The following KCNH5 variants were observed in gnomAD, a reference collection of about 807,000 sequenced individuals.
KCNH5 encodes the protein potassium voltage-gated channel subfamily H member 5, also known as voltage-gated delayed rectifier potassium channel KCNH5.
In KCNH5, 46 loss-of-function variants were observed where a neutral mutation model predicts 96.1. The observed-to-expected ratio is 0.48, with a 90% confidence interval of 0.38 to 0.61. The LOEUF (loss-of-function observed/expected upper bound fraction) is 0.61, where lower values mean the gene tolerates loss of function less well. KCNH5 is among the 20% of genes least tolerant of loss of function. The pLI, the probability that KCNH5 is intolerant of heterozygous loss-of-function variation, is 0.00. For synonymous variants in KCNH5, 439 were observed against 449.8 expected (o/e 0.98, Z 0.30); for missense variants, 907 against 1,225.8 (o/e 0.74, Z 3.88).
chr14:62,772,379 C>T (rs1388305418), intron 10 of KCNH5, among the ~76,000 whole-genome samples: 2 of 152,012 alleles, frequency 1.3e-5, no homozygotes, highest in Non-Finnish European at 2.9e-5. Flanking sequence ...TGGCTCATGC[C>T]TGTAATCCCA....
intron 8 of KCNH5, among the ~76,000 whole-genome samples, chr14:62,824,642 CA>C (rs1270117103): frequency 1.3e-5 from 2 of 152,006 alleles, no homozygotes; most frequent in African/African-American, 4.8e-5. Context: ...ATTTTACATT[CA>C]GGGGTACACA....
At chr14:62,824,760 T>A (rs530026800) in intron 8 of KCNH5, among the ~76,000 whole-genome samples, 24 of 152,176 alleles carry the variant, frequency 1.6e-4, no homozygotes, top group African/African-American at 5.1e-4. Context: ...TTTTCAACCA[T>A]TGTCCTTCTC....
chr14:62,887,868 C>T (rs1253850952), intron 7 of KCNH5, among the ~76,000 whole-genome samples: 1 of 152,048 alleles, frequency 6.6e-6, no homozygotes, highest in Non-Finnish European at 1.5e-5. Context: ...CTTTTGGGGC[C>T]TCATCACTTT....
chr14:62,992,764 T>C (rs1890834247), intron 4 of KCNH5, among the ~76,000 whole-genome samples: 1 of 152,098 alleles, frequency 6.6e-6, no homozygotes, highest in Non-Finnish European at 1.5e-5. Context: ...CTTCTTCAGG[T>C]CATCTGTTCA....
chr14:63,039,076 G>A (rs368805437), intron 1 of KCNH5, among the ~76,000 whole-genome samples: 3 of 151,976 alleles, frequency 2.0e-5, no homozygotes, highest in East Asian at 1.9e-4. Context: ...TTCACAACAC[G>A]TCTCTTGTAT....
At chr14:62,972,579 A>C (rs536168555) in intron 6 of KCNH5, among the ~76,000 whole-genome samples, 3 of 152,216 alleles carry the variant, frequency 2.0e-5, no homozygotes, top group Non-Finnish European at 4.4e-5. Flanking sequence ...CTTTATTCAT[A>C]ATTTTGCAAA....
At chr14:62,946,511 G>A (rs906938462) in intron 7 of KCNH5, among the ~76,000 whole-genome samples, 1 of 148,170 alleles carries the variant, frequency 6.7e-6, no homozygotes, top group East Asian at 2.0e-4. Flanking sequence ...TGTTTTTTGT[G>A]TGGTTTTTTT....
chr14:62,782,343 T>C (rs1231756051), intron 9 of KCNH5, among the ~76,000 whole-genome samples: 1 of 152,130 alleles, frequency 6.6e-6, no homozygotes, highest in Admixed American at 6.6e-5. Context: ...AAGAGGTGAT[T>C]AAAACCACCA....
intron 3 of KCNH5, among the ~76,000 whole-genome samples, chr14:63,001,738 G>A (rs1262166345): frequency 6.6e-6 from 1 of 152,230 alleles, no homozygotes; most frequent in Non-Finnish European, 1.5e-5. Context: ...CACAAAGGCA[G>A]TCTTGCTACT....
At chr14:63,008,041 G>A (rs895368304) in intron 2 of KCNH5, among the ~76,000 whole-genome samples, 3 of 152,076 alleles carry the variant, frequency 2.0e-5, no homozygotes, top group South Asian at 2.1e-4. Context: ...TCTGCTGATC[G>A]GTATGATTGT....
At chr14:62,740,136 C>T (rs1196966914) in intron 10 of KCNH5, among the ~76,000 whole-genome samples, 4 of 152,084 alleles carry the variant, frequency 2.6e-5, no homozygotes, top group Non-Finnish European at 4.4e-5. Context: ...AAGTAGGAGT[C>T]CCTCTGTGAT....
intron 7 of KCNH5, among the ~76,000 whole-genome samples, chr14:62,863,516 A>G (rs1013674004): frequency 1.3e-5 from 2 of 152,168 alleles, no homozygotes; most frequent in Non-Finnish European, 2.9e-5. Context: ...TTTATGAAAA[A>G]TATATTATAA....
At chr14:62,827,479 T>C (rs2140024066) in intron 8 of KCNH5, among the ~76,000 whole-genome samples, 1 of 152,324 alleles carries the variant, frequency 6.6e-6, no homozygotes, top group East Asian at 1.9e-4. Flanking sequence ...GAATACAATA[T>C]TCCCTGAGAT....
chr14:62,892,588 A>G (rs1165993913), intron 7 of KCNH5, among the ~76,000 whole-genome samples: 1 of 152,210 alleles, frequency 6.6e-6, no homozygotes, highest in Non-Finnish European at 1.5e-5. Flanking sequence ...TTTTGGAAGG[A>G]GATACTATCT....
intron 6 of KCNH5, among the ~76,000 whole-genome samples, chr14:62,963,382 T>C (rs761851367): frequency 2.0e-5 from 3 of 151,988 alleles, no homozygotes; most frequent in Non-Finnish European, 2.9e-5. Context: ...TAGATGTTGA[T>C]ATTTAGGAAG....
intron 1 of KCNH5, among the ~76,000 whole-genome samples, chr14:63,019,448 T>C (rs1195703258): frequency 6.6e-6 from 1 of 151,770 alleles, no homozygotes; most frequent in Non-Finnish European, 1.5e-5. Context: ...AGTAATTAAG[T>C]AAACTATAGT....
chr14:62,920,090 T>G (rs574650217), intron 7 of KCNH5, among the ~76,000 whole-genome samples: 40 of 152,204 alleles, frequency 2.6e-4, no homozygotes, highest in African/African-American at 9.6e-4. Flanking sequence ...TTGGCAGTCT[T>G]TCTGATCATG....
intron 10 of KCNH5, among the ~76,000 whole-genome samples, chr14:62,728,401 A>G (rs1371383733): frequency 6.6e-6 from 1 of 151,866 alleles, no homozygotes. Flanking sequence ...AAAAAAAAAA[A>G]AAAAATGAGA....
At chr14:63,035,528 T>C (rs1424246033) in intron 1 of KCNH5, among the ~76,000 whole-genome samples, 1 of 152,244 alleles carries the variant, frequency 6.6e-6, no homozygotes, top group Non-Finnish European at 1.5e-5. Context: ...AGGATGGTTA[T>C]AAGAAGAGGC....
Sources: gnomAD v4.1 joint callset for allele counts (sites outside exome capture counted in the v4.1 genomes callset) on GRCh38, gnomAD v4.1.1 for gene constraint, MANE v1.5 for transcripts, NCBI Gene and HGNC (gene_info 2026-07-23, HGNC 2026-07-21) for gene names.